Variants in FAF2 observed in about 807,000 individuals in gnomAD.
FAF2 encodes the protein Fas associated factor family member 2, also known as FAS-associated factor 2.
Under a neutral mutation model 62.3 loss-of-function variants are expected in FAF2, and 9 were observed. That is an observed-to-expected ratio of 0.14 (90% CI 0.09 to 0.25). The LOEUF is 0.25. Ranked by LOEUF, FAF2 falls within the 10% of genes least tolerant of loss-of-function variation. The probability of loss-of-function intolerance (pLI) is 1.00; values close to 1 mark genes in which losing one functional copy is unlikely to be tolerated. For synonymous variants in FAF2, 202 were observed against 198.0 expected (o/e 1.02, Z -0.17); for missense variants, 368 against 556.2 (o/e 0.66, Z 3.40).
intron 7 of FAF2, among the ~76,000 whole-genome samples, chr5:176,495,939 T>C (rs1755458333): frequency 6.6e-6 from 1 of 152,166 alleles, no homozygotes; most frequent in African/African-American, 2.4e-5. Context: ...ATGGAGATTA[T>C]TATCAGTATC....
intron 2 of FAF2, among the ~76,000 whole-genome samples, chr5:176,480,658 C>T (rs2113733464): frequency 6.6e-6 from 1 of 152,120 alleles, no homozygotes; most frequent in East Asian, 1.9e-4. Flanking sequence ...AGCAATCCTC[C>T]TGCCTCAGCT....
chr5:176,467,073 A>G (rs1486631520), intron 1 of FAF2, among the ~76,000 whole-genome samples: 1 of 140,508 alleles, frequency 7.1e-6, no homozygotes, highest in East Asian at 2.2e-4. Context: ...GGAGCAAGGG[A>G]TTTTTCTCAG....
At chr5:176,460,823 A>G (rs115116348) in intron 1 of FAF2, among the ~76,000 whole-genome samples, 7,777 of 152,008 alleles carry the variant, frequency 0.051, 678 homozygotes, top group African/African-American at 0.18. Flanking sequence ...ATGGCGGTGT[A>G]GGCCTGTGGT....
chr5:176,454,093 C>G (rs1006266429), intron 1 of FAF2, among the ~76,000 whole-genome samples: 4 of 149,274 alleles, frequency 2.7e-5, no homozygotes, highest in Non-Finnish European at 5.9e-5. Context: ...TCACAACATT[C>G]TTTTTATTTT....
intron 5 of FAF2, among the ~76,000 whole-genome samples, chr5:176,493,160 C>T (rs1259393487): frequency 6.6e-6 from 1 of 152,220 alleles, no homozygotes; most frequent in Non-Finnish European, 1.5e-5. Flanking sequence ...CTCCAGAATT[C>T]CTGAATCTAT....
intron 1 of FAF2, among the ~76,000 whole-genome samples, chr5:176,475,737 C>T (rs940391846): frequency 2.0e-5 from 3 of 151,984 alleles, no homozygotes; most frequent in South Asian, 4.2e-4. Context: ...CATTGCACGC[C>T]AGCCTGGGGG....
At chr5:176,468,450 C>T (rs1423147576) in intron 1 of FAF2, among the ~76,000 whole-genome samples, 5 of 151,264 alleles carry the variant, frequency 3.3e-5, no homozygotes, top group African/African-American at 7.3e-5. Flanking sequence ...CGGGCGTGGT[C>T]GTGGGCGCCT....
chr5:176,496,379 C>A lies in FAF2; in HGVS notation c.662-107C>A. ...GAGACTAAATGATACCTCTCGTCTTCCCCAACCAGGATTAAAACAGTTCTC... is the reference window on the plus strand; with the variant it reads ...GAGACTAAATGATACCTCTCGTCTTACCCAACCAGGATTAAAACAGTTCTC... On this transcript the variant is annotated intron_variant, in intron 7 of 10. Transcript: ENST00000261942. 3 of 873,760 alleles carry A rather than the reference C, an allele frequency of 3.4e-6. No individual in the cohort carries two copies. The South Asian group carries it at 9.2e-5, about 27-fold the overall frequency. 54.1% of individuals were successfully genotyped at this position (873,760 alleles called of 1,614,324 possible).
chr5:176,448,576 A>G, intron 1 of FAF2, 106 bp downstream of exon 1: 1 of 1,155,588 alleles, frequency 8.7e-7, no homozygotes, highest in Non-Finnish European at 1.2e-6. Context: ...TTCTCAGACC[A>G]GCAGGCCGGC....
At chr5:176,463,202 T>C (rs928743180) in intron 1 of FAF2, among the ~76,000 whole-genome samples, 1 of 152,044 alleles carries the variant, frequency 6.6e-6, no homozygotes, top group Non-Finnish European at 1.5e-5. Flanking sequence ...GAGACCTGCC[T>C]GGCCAACATA....
chr5:176,458,813 CCTTT>C (rs1243743391), intron 1 of FAF2, among the ~76,000 whole-genome samples: 2 of 151,872 alleles, frequency 1.3e-5, no homozygotes, highest in African/African-American at 4.8e-5. Context: ...ACATTTTTAC[CCTTT>C]CTATTTCTAT....
Position 176,475,723 on chromosome 5 carries a change from G to A in FAF2, c.64-3465G>A, listed in dbSNP as rs548227718. On this transcript the variant is annotated intron_variant, in intron 1 of 10. Transcript: ENST00000261942. ...GCGCAGGTTGCAGTGAGCCGAGACC[G>A]TGCCATTGCACGCCAGCCTGGGGGA... is the stretch of plus-strand genomic sequence containing the variant. Among the ~76,000 whole-genome samples, 222 of 151,938 alleles carry A rather than the reference G, an allele frequency of 1.5e-3. No homozygotes were observed. The Middle Eastern group carries it at 0.017, about 12-fold the overall frequency.
chr5:176,506,968 C>T lies in FAF2; in HGVS notation c.*18C>T. The T allele has an allele frequency of 7.0e-7, 1 of 1,432,788 alleles. No individual in the cohort carries two copies. The highest frequency in any genetic ancestry group is 1.7e-5 in the South Asian group (1 of 59,040). The allele number at this position is 1,432,788 out of a possible 1,614,324, so 88.8% of individuals were successfully genotyped here. ...ACGAATGACATTTTTTTCTTCCTGT[C>T]CCCTCCTACCCCAGTCCCTAAAAGA... On this transcript the variant is annotated 3_prime_UTR_variant, in exon 11 of 11. Coordinates refer to ENST00000261942, the MANE Select transcript of FAF2 (RefSeq NM_014613.3).
rs1368083934 is a variant in FAF2, at chr5:176,448,486, CG to C, written c.63+18del. The C allele has an allele frequency of 6.3e-7, 1 of 1,585,652 alleles. No individual in the cohort carries two copies. The highest frequency in any genetic ancestry group is 1.8e-5 in the Admixed American group (1 of 54,898). On this transcript the variant is annotated intron_variant, in intron 1 of 10. Transcript: ENST00000261942. ...GCAGTTTCAGGTAGCAGCGAGTACT[CG>C]GTGCAGCAGATGCCTCCGTGGGATG... is the stretch of plus-strand genomic sequence containing the variant.
chr5:176,489,969 A>G (rs1024546647), intron 4 of FAF2, among the ~76,000 whole-genome samples: 2 of 152,214 alleles, frequency 1.3e-5, no homozygotes, highest in Non-Finnish European at 2.9e-5. Flanking sequence ...TGTACCATTA[A>G]AAGAGCTCAT....
At position 176,492,214 on chromosome 5, in the gene FAF2, G is replaced by A. The variant is rs1409413703; in HGVS notation, c.365G>A (p.Arg122Gln). 14 of 1,613,870 alleles carry A rather than the reference G, an allele frequency of 8.7e-6. No homozygotes were observed. The highest frequency in any genetic ancestry group is 1.1e-5 in the Non-Finnish European group (13 of 1,180,008). ...CCCAGGTTTGCTCTTCGTTTTATAC[G>A]GCCTGACCCTCGCAGCCGGGTCACT... ...DIFRFALRFIRPDPRSRVTDP... is the reference protein window; with the variant it reads ...DIFRFALRFIQPDPRSRVTDP... The change falls in exon 5 of 11, where the codon CGG (arginine) becomes CAG (glutamine). Residue 122 changes from arginine (R) to glutamine (Q), a missense_variant. Transcript: ENST00000261942.
Position 176,494,950 on chromosome 5 carries a change from C to G in FAF2, c.661+675C>G, listed in dbSNP as rs567874275. On this transcript the variant is annotated intron_variant, in intron 7 of 10. Transcript: ENST00000261942. The surrounding 1 kb of genome is among the most constrained non-coding windows in gnomAD (Gnocchi z 4.0). ...TGCCACATTCATAGAAATACCCAGT[C>G]TTGGCTAGCAGCTTGCTTTTAATCT... 1.6e-4 allele frequency among the ~76,000 whole-genome samples: 24 copies of G among 152,314 alleles called. No homozygotes were observed. Among genetic ancestry groups the G allele is most frequent in the African/African-American group, 4.3e-4 (18 of 41,586 alleles).
At chr5:176,458,539 G>C (rs993778062) in intron 1 of FAF2, among the ~76,000 whole-genome samples, 1 of 143,488 alleles carries the variant, frequency 7.0e-6, no homozygotes, top group East Asian at 2.2e-4. Context: ...GAGTAGCTGG[G>C]ATTACAGGCG....
intron 5 of FAF2, among the ~76,000 whole-genome samples, chr5:176,493,465 G>A (rs138796845): frequency 7.9e-5 from 12 of 152,354 alleles, no homozygotes; most frequent in East Asian, 5.8e-4. Context: ...AGGAGTCTTC[G>A]GCGCTAGCCT....
Sources: gnomAD v4.1 joint callset for allele counts (sites outside exome capture counted in the v4.1 genomes callset) on GRCh38, gnomAD v4.1.1 for gene constraint, Gnocchi (gnomAD v3.1) non-coding constraint, MANE v1.5 for transcripts, NCBI Gene and HGNC (gene_info 2026-07-23, HGNC 2026-07-21) for gene names.